Variants in TMLHE observed in about 807,000 individuals in gnomAD.
The protein encoded by TMLHE is trimethyllysine hydroxylase, epsilon.
In TMLHE, 18 loss-of-function variants were observed where a neutral mutation model predicts 25.7. The ratio of observed to expected loss-of-function variants is 0.70; its 90% confidence interval spans 0.48 to 1.04. The LOEUF (loss-of-function observed/expected upper bound fraction) is 1.04. Among genes scored for constraint, TMLHE ranks in the 50% least tolerant of loss-of-function variants. TMLHE has a pLI of 0.00. For synonymous variants in TMLHE, 105 were observed against 97.0 expected, an observed-to-expected ratio of 1.08 and a Z score of -0.49; for missense variants, 236 against 259.0, an observed-to-expected ratio of 0.91 and a Z score of 0.61.
chrX:155,560,976 TG>T (rs2067493465), intron 1 of TMLHE, among the ~76,000 whole-genome samples: 1 of 61,313 alleles, frequency 1.6e-5, no homozygotes, highest in Non-Finnish European at 4.5e-5. Flanking sequence ...ATTACAGTAC[TG>T]GATTTATTGA....
At chrX:155,509,243 T>A (rs931153119) in intron 5 of TMLHE, among the ~76,000 whole-genome samples, 8 of 111,914 alleles carry the variant, frequency 7.1e-5, no homozygotes, top group African/African-American at 1.9e-4. Flanking sequence ...GGCAATATGA[T>A]CATATAATTT....
chrX:155,549,948 C>A (rs2067403212), intron 1 of TMLHE, among the ~76,000 whole-genome samples: 1 of 109,683 alleles, frequency 9.1e-6, no homozygotes, highest in South Asian at 4.0e-4. Flanking sequence ...TTGTTCAACT[C>A]CCACTTATGA....
chrX:155,563,606 G>T (rs2067503539), intron 1 of TMLHE, among the ~76,000 whole-genome samples: 1 of 61,878 alleles, frequency 1.6e-5, no homozygotes. Context: ...TTTTAGTTTT[G>T]GATCTGTTAA....
chrX:155,521,910 C>T (rs1259133446), intron 3 of TMLHE, among the ~76,000 whole-genome samples: 1 of 93,538 alleles, frequency 1.1e-5, no homozygotes, highest in Non-Finnish European at 2.1e-5. Flanking sequence ...CACTGGCCTG[C>T]GCCCACTGTC....
At chrX:155,505,420 A>T (rs782226368) in intron 6 of TMLHE, among the ~76,000 whole-genome samples, 30 of 111,711 alleles carry the variant, frequency 2.7e-4, no homozygotes, top group Non-Finnish European at 5.5e-4. Flanking sequence ...CCTACAAGCC[A>T]GGGGTAAAGG....
intron 1 of TMLHE, among the ~76,000 whole-genome samples, chrX:155,549,712 T>C (rs2067399833): frequency 9.1e-6 from 1 of 110,103 alleles, no homozygotes; most frequent in African/African-American, 3.4e-5. Context: ...TTATCAGGTA[T>C]TTTATCAGAT....
intron 1 of TMLHE, among the ~76,000 whole-genome samples, chrX:155,548,660 A>T (rs782656056): frequency 1.8e-5 from 2 of 108,650 alleles, no homozygotes; most frequent in African/African-American, 3.4e-5. Context: ...GCTTGAACCC[A>T]GGAGGCAAAG....
chrX:155,577,329 C>G lies in TMLHE; in HGVS notation c.-1-32052G>C, dbSNP rs78541456. Among the ~76,000 whole-genome samples the G allele has an allele frequency of 3.7e-3, 412 of 111,620 alleles. 2 individuals carry two copies. Among genetic ancestry groups the G allele is most frequent in the Non-Finnish European group, 5.3e-3 (283 of 53,099 alleles). On this transcript the variant is annotated intron_variant, in intron 1 of 7. Coordinates refer to ENST00000334398, the MANE Select transcript of TMLHE (RefSeq NM_018196.4). ...AGTTGGCTCACACCTGTAATCCTAGCACTTTTGGGAGGCCAAGGCGGGTGG... is the reference window on the plus strand; with the variant it reads ...AGTTGGCTCACACCTGTAATCCTAGGACTTTTGGGAGGCCAAGGCGGGTGG...
chrX:155,541,483 G>A (rs1301181116), intron 2 of TMLHE, among the ~76,000 whole-genome samples: 4 of 111,283 alleles, frequency 3.6e-5, no homozygotes, highest in African/African-American at 9.8e-5. Context: ...CTTTGTTATT[G>A]TGAACAGTGC....
intron 1 of TMLHE, among the ~76,000 whole-genome samples, chrX:155,610,997 A>C (rs1182024975): frequency 1.8e-5 from 2 of 111,986 alleles, no homozygotes; most frequent in Admixed American, 9.4e-5. Context: ...TAGCTAAACA[A>C]GGCAGACACC....
At position 155,524,634 on chromosome X, in the gene TMLHE, T is replaced by C. The variant is rs2067208464; in HGVS notation, c.182-2A>G. On this transcript the variant is annotated splice_acceptor_variant, in intron 2 of 7. Coordinates refer to ENST00000334398, the MANE Select transcript of TMLHE (RefSeq NM_018196.4). LOFTEE classifies it high-confidence loss of function. Reference sequence around the variant, plus strand: ...TCACGGTATTAGCATATTTCAGCTCTAGGGAAAAGATCACATTTATCAGAA... The same window carrying C: ...TCACGGTATTAGCATATTTCAGCTCCAGGGAAAAGATCACATTTATCAGAA... 3 of 1,158,532 alleles carry C rather than the reference T, an allele frequency of 2.6e-6. No homozygotes were observed. The highest frequency in any genetic ancestry group is 3.5e-6 in the Non-Finnish European group (3 of 867,790).
At chrX:155,599,253 ACT>A (rs1479168974) in intron 1 of TMLHE, among the ~76,000 whole-genome samples, 2 of 110,761 alleles carry the variant, frequency 1.8e-5, no homozygotes, top group Non-Finnish European at 3.8e-5. Context: ...TATTATACAA[ACT>A]CTTCCTGAGA....
At chrX:155,543,037 T>A (rs1314673954) in intron 2 of TMLHE, among the ~76,000 whole-genome samples, 1 of 111,014 alleles carries the variant, frequency 9.0e-6, no homozygotes, top group Non-Finnish European at 1.9e-5. Context: ...GTAATATATT[T>A]TGATATCAGG....
rs1569562075 is a variant in TMLHE at position 155,548,491 on chromosome X, TTTGGGAGG to T, written c.-1-3222_-1-3215del. ...TGGCTCATGCCTGAAATCCCAGCACTTTGGGAGGTCAAGGCGGGCGGATCACAAGGTCA... is the reference window on the plus strand; with the variant it reads ...TGGCTCATGCCTGAAATCCCAGCACTTCAAGGCGGGCGGATCACAAGGTCA... On this transcript the variant is annotated intron_variant, in intron 1 of 7. Transcript: ENST00000334398. Among the ~76,000 whole-genome samples, 235 of 110,725 alleles carry T rather than the reference TTTGGGAGG, an allele frequency of 2.1e-3. 8 individuals are homozygous for T. Among genetic ancestry groups the T allele is most frequent in the African/African-American group, 7.5e-3 (227 of 30,123 alleles).
At chrX:155,590,975 C>T (rs1006059484) in intron 1 of TMLHE, among the ~76,000 whole-genome samples, 5 of 110,913 alleles carry the variant, frequency 4.5e-5, no homozygotes, top group Admixed American at 1.9e-4. Flanking sequence ...ATGAGAGACA[C>T]GCTTTACAGT....
At chrX:155,556,349 C>T (rs2067455403) in intron 1 of TMLHE, among the ~76,000 whole-genome samples, 2 of 92,120 alleles carry the variant, frequency 2.2e-5, no homozygotes, top group African/African-American at 7.4e-5. Context: ...GGACCTGCCC[C>T]GATAATCACG....
intron 2 of TMLHE, among the ~76,000 whole-genome samples, chrX:155,530,454 A>G (rs1182175272): frequency 1.7e-5 from 1 of 59,211 alleles, no homozygotes; most frequent in Non-Finnish European, 4.1e-5. Context: ...AGTAGCAGAT[A>G]TGTAGAATGA....
chrX:155,611,250 T>C (rs1252529301), intron 1 of TMLHE, among the ~76,000 whole-genome samples: 1 of 111,074 alleles, frequency 9.0e-6, no homozygotes, highest in Non-Finnish European at 1.9e-5. Flanking sequence ...CAGGTGCATG[T>C]ACAGCCCATA....
chrX:155,584,560 C>T (rs905950077), intron 1 of TMLHE, among the ~76,000 whole-genome samples: 1 of 111,234 alleles, frequency 9.0e-6, no homozygotes, highest in African/African-American at 3.3e-5. Flanking sequence ...CTCCCCACCA[C>T]ATTATAGTCA....
Sources: gnomAD v4.1 joint callset for allele counts (sites outside exome capture counted in the v4.1 genomes callset) on GRCh38, gnomAD v4.1.1 for gene constraint, MANE v1.5 for transcripts, NCBI Gene and HGNC (gene_info 2026-07-23, HGNC 2026-07-21) for gene names.